The following NPHP1 variants were observed in gnomAD, a reference collection of about 807,000 sequenced individuals.
NPHP1 encodes the protein nephrocystin 1.
Under a neutral mutation model 90.4 loss-of-function variants are expected in NPHP1, and 70 were observed. That is an observed-to-expected ratio of 0.77 (90% CI 0.64 to 0.95). NPHP1 has a LOEUF of 0.95. Among genes scored for constraint, NPHP1 ranks in the 40% least tolerant of loss-of-function variants. The probability of loss-of-function intolerance (pLI) is 0.00; values close to 1 mark genes in which losing one functional copy is unlikely to be tolerated. For synonymous variants in NPHP1, 256 were observed against 271.7 expected (o/e 0.94, Z 0.57); for missense variants, 764 against 795.9 (o/e 0.96, Z 0.48).
chr2:110,196,242 T>C (rs1297006505), intron 2 of NPHP1, among the ~76,000 whole-genome samples: 1 of 151,998 alleles, frequency 6.6e-6, no homozygotes, highest in Non-Finnish European at 1.5e-5. Flanking sequence ...AGAAAATTGT[T>C]GCAATCTACT....
At chr2:110,201,631 C>T (rs1685583556) in intron 1 of NPHP1, 137 bp from the exon 2 acceptor site, 2 of 652,160 alleles carry the variant, frequency 3.1e-6, no homozygotes, top group Admixed American at 5.5e-5. Flanking sequence ...CAGTGAAAAC[C>T]CATATACCCG....
At chr2:110,154,102 G>A (rs2104520073) in intron 11 of NPHP1, among the ~76,000 whole-genome samples, 1 of 152,238 alleles carries the variant, frequency 6.6e-6, no homozygotes, top group South Asian at 2.1e-4. Context: ...AGAATCCAGT[G>A]GGTGGTGATT....
intron 2 of NPHP1, among the ~76,000 whole-genome samples, chr2:110,191,452 C>T (rs1222316203): frequency 1.3e-5 from 2 of 152,218 alleles, no homozygotes; most frequent in African/African-American, 4.8e-5. Flanking sequence ...TGCAAGGCAG[C>T]AGCGAGGCTG....
intron 2 of NPHP1, among the ~76,000 whole-genome samples, chr2:110,190,625 C>T (rs1684649580): frequency 6.6e-6 from 1 of 152,180 alleles, no homozygotes. Context: ...CTTGGCCAGC[C>T]CAGAAAGGGG....
intron 4 of NPHP1, among the ~76,000 whole-genome samples, chr2:110,173,835 G>A (rs1683332296): frequency 6.6e-6 from 1 of 152,018 alleles, no homozygotes; most frequent in African/African-American, 2.4e-5. Context: ...GGTGGTTAAG[G>A]ATTGTGAATT....
At chr2:110,124,549 G>A (rs139209422) in intron 19 of NPHP1, 2 of 225,194 alleles carry the variant, frequency 8.9e-6, no homozygotes, top group Admixed American at 1.0e-4. Context: ...TGGAGGTCGA[G>A]GGGTCCTTTG....
chr2:110,141,749 G>T (rs1680649345), intron 16 of NPHP1, among the ~76,000 whole-genome samples: 1 of 152,050 alleles, frequency 6.6e-6, no homozygotes, highest in Non-Finnish European at 1.5e-5. Flanking sequence ...GAGGTGGGCG[G>T]ATCACGAGGT....
chr2:110,171,018 C>G (rs755343407), intron 4 of NPHP1, among the ~76,000 whole-genome samples: 2 of 151,970 alleles, frequency 1.3e-5, no homozygotes, highest in Non-Finnish European at 2.9e-5. Flanking sequence ...ATGATTCCCA[C>G]TTTAGAAAGG....
chr2:110,159,627 C>T (rs1682157769), intron 11 of NPHP1, among the ~76,000 whole-genome samples: 1 of 151,990 alleles, frequency 6.6e-6, no homozygotes, highest in African/African-American at 2.4e-5. Flanking sequence ...GATAATGTCT[C>T]TATTTCCATG....
intron 13 of NPHP1, 103 bp from the exon 14 acceptor site, chr2:110,146,938 G>T (rs957393992): frequency 2.5e-6 from 2 of 797,802 alleles, no homozygotes; most frequent in South Asian, 1.5e-5. Flanking sequence ...TTCACCTTTA[G>T]AACTAAAAAG....
rs1358219787 is a variant in NPHP1, at chr2:110,160,226, C to G, written c.984G>C (p.Leu328Phe). The G allele has an allele frequency of 6.2e-7, 1 of 1,611,408 alleles. No homozygotes were observed. Among genetic ancestry groups the G allele is most frequent in the Non-Finnish European group, 8.5e-7 (1 of 1,177,774 alleles). The change falls in exon 11 of 20, where the codon TTG becomes TTC. Residue 328 changes from leucine to phenylalanine, a missense_variant. Leu to Phe is a conservative substitution (Grantham distance 22). Transcript: ENST00000445609. The part of the protein sequence containing the change: ...TIRSRPSRIS[L>F]ILTLWSCKMI... ...TTTTACAGCTCCATAATGTCAGAAT[C>G]AATGAAATACGACTTGGTCTCGACC...
At position 110,124,042 on chromosome 2, in the gene NPHP1, A is replaced by C; in HGVS notation, c.1783T>G (p.Ser595Ala). The C allele has an allele frequency of 6.2e-7, 1 of 1,614,138 alleles. No individual in the cohort carries two copies. The highest frequency in any genetic ancestry group is 1.7e-5 in the Admixed American group (1 of 60,024). ...SEKRDKEFLK[S>A]TFLLVYHDCV... ...TCATGGTAAACCAGGAGAAACGTGG[A>C]CTTCAGGAACTCTTTGTCTCTCTGG... The change falls in exon 20 of 20, where the codon TCC (serine) becomes GCC (alanine). Residue 595 changes from serine (S) to alanine (A), a missense_variant. Ser to Ala is a moderately conservative substitution (Grantham distance 99, BLOSUM62 1). Coordinates refer to ENST00000445609, the MANE Select transcript of NPHP1 (RefSeq NM_001128178.3).
rs762350912 is a variant in NPHP1 at position 110,164,610 on chromosome 2, C to T, written c.771+78G>A. 44 of 1,610,386 alleles carry T rather than the reference C, an allele frequency of 2.7e-5. No individual in the cohort carries two copies. The highest frequency in any genetic ancestry group is 3.7e-5 in the Non-Finnish European group (44 of 1,176,764). On this transcript the variant is annotated intron_variant, in intron 8 of 19. Coordinates refer to ENST00000445609, the MANE Select transcript of NPHP1 (RefSeq NM_001128178.3). ...CTGTTTCAGATCCATTGGTGTCTTC[C>T]ACAGTCTCCATCCTATTTCGCATCA...
chr2:110,124,828 G>A, intron 19 of NPHP1: 1 of 189,382 alleles, frequency 5.3e-6, no homozygotes, highest in Non-Finnish European at 1.1e-5. Context: ...GTATGTAGAT[G>A]GTACTGATCA....
intron 6 of NPHP1, among the ~76,000 whole-genome samples, chr2:110,167,815 T>A (rs1436346279): frequency 1.3e-5 from 2 of 152,054 alleles, no homozygotes; most frequent in African/African-American, 2.4e-5. Context: ...GGCATTAGCA[T>A]CAGAATCGAA....
intron 11 of NPHP1, among the ~76,000 whole-genome samples, chr2:110,150,856 T>G (rs1316129508): frequency 6.7e-6 from 1 of 149,242 alleles, no homozygotes; most frequent in Non-Finnish European, 1.5e-5. Flanking sequence ...AGCAAAAAAA[T>G]GGTCTTTTAA....
chr2:110,128,270 G>A (rs1179480722), intron 18 of NPHP1: 9 of 151,984 alleles, frequency 5.9e-5, no homozygotes, highest in Admixed American at 5.9e-4. Flanking sequence ...TCCTGCACAT[G>A]TTCTGCCTCT....
In NPHP1 at chr2:110,201,471, G is replaced by T. The variant is rs1370836596; in HGVS notation, c.93C>A (p.Ser31Arg). 1.2e-6 allele frequency: 2 copies of T among 1,609,870 alleles called. No homozygotes were observed. Among genetic ancestry groups the T allele is most frequent in the Admixed American group, 1.7e-5 (1 of 59,940 alleles). The change falls in exon 2 of 20, where the codon AGC becomes AGA. Residue 31 changes from serine to arginine, a missense_variant. Coordinates refer to ENST00000445609, the MANE Select transcript of NPHP1 (RefSeq NM_001128178.3). ...TGGGTTCTAGAGCTTCTTTCAGTTG[G>T]CTCTCAGAAAGCAAACTATCAACCT... is the stretch of plus-strand genomic sequence containing the variant. ...KQQVDSLLSE[S>R]QLKEALEPNK...
At position 110,143,649 on chromosome 2, in the gene NPHP1, GA is replaced by G. The variant is rs754852726; in HGVS notation, c.1430-9del. The stretch of plus-strand genomic sequence containing the variant: ...AGAAAACACTGCCGTGTGCTTTTAA[GA>G]AAAATCAAAAGTAACTCACGAAACT... On this transcript the variant is annotated splice_polypyrimidine_tract_variant and intron_variant, in intron 15 of 19. Coordinates refer to ENST00000445609, the MANE Select transcript of NPHP1 (RefSeq NM_001128178.3). 1 of 1,603,044 alleles carries G rather than the reference GA, an allele frequency of 6.2e-7. No homozygotes were observed. The highest frequency in any genetic ancestry group is 8.5e-7 in the Non-Finnish European group (1 of 1,170,132).
Sources: allele counts gnomAD v4.1 joint callset (sites outside exome capture counted in the v4.1 genomes callset), GRCh38; gene constraint gnomAD v4.1.1; transcripts MANE v1.5; gene names NCBI Gene and HGNC (gene_info 2026-07-23, HGNC 2026-07-21).